The following LUC7L variants were observed in gnomAD, a reference collection of about 807,000 sequenced individuals.
The protein encoded by LUC7L is LUC7 like.
LUC7L carries 29 observed loss-of-function variants against 51.1 expected under a neutral mutation model. The ratio of observed to expected loss-of-function variants is 0.57; its 90% CI spans 0.42 to 0.77. LUC7L has a LOEUF of 0.77. Ranked by LOEUF, LUC7L falls within the 30% of genes least tolerant of loss-of-function variation. LUC7L has a pLI of 0.00. For missense variants in LUC7L, 403 were observed against 511.9 expected (o/e 0.79, Z 2.05); for synonymous variants, 181 against 180.7 (o/e 1.00, Z -0.01).
At chr16:212,794 T>TC (rs1349642089) in intron 3 of LUC7L, among the ~76,000 whole-genome samples, 3 of 151,912 alleles carry the variant, frequency 2.0e-5, no homozygotes, top group Non-Finnish European at 2.9e-5. Context: ...TTTTTTTTTT[T>TC]CCCGAGAGGA....
chr16:218,598 C>A (rs1390527831), intron 3 of LUC7L, among the ~76,000 whole-genome samples: 1 of 150,676 alleles, frequency 6.6e-6, no homozygotes, highest in Non-Finnish European at 1.5e-5. Flanking sequence ...GCGGGCACTT[C>A]TAATCTCAGC....
chr16:193,030 C>CA lies in LUC7L; in HGVS notation c.688-16dup. The CA allele has an allele frequency of 6.2e-7, 1 of 1,606,528 alleles. No individual in the cohort carries two copies. The highest frequency in any genetic ancestry group is 8.5e-7 in the Non-Finnish European group (1 of 1,176,000). ...GCGACAGTTTTCTAAATAAATGAAA[C>CA]AAAAAATGAGGAAGAGCAAGTTACA... On this transcript the variant is annotated splice_polypyrimidine_tract_variant and intron_variant, in intron 6 of 9. Transcript: ENST00000293872.
At chr16:206,890 TAAAAAA>T (rs67775388) in intron 4 of LUC7L, among the ~76,000 whole-genome samples, 2 of 99,566 alleles carry the variant, frequency 2.0e-5, no homozygotes, top group Non-Finnish European at 3.8e-5. Context: ...CCATCTTTAT[TAAAAAA>T]AAAAAAAAAA....
intron 1 of LUC7L, chr16:228,999 G>A: frequency 7.0e-7 from 1 of 1,437,394 alleles, no homozygotes; most frequent in Non-Finnish European, 9.2e-7. Context: ...GAGCCGCGGC[G>A]CCCGCCGGGG....
chr16:221,141 T>C (rs1596675491), intron 2 of LUC7L, among the ~76,000 whole-genome samples: 2 of 145,920 alleles, frequency 1.4e-5, no homozygotes. Flanking sequence ...TGCCTCATTC[T>C]CCCAAGTAGC....
chr16:225,601 C>G (rs2050109674), intron 2 of LUC7L, among the ~76,000 whole-genome samples: 1 of 149,964 alleles, frequency 6.7e-6, no homozygotes, highest in Non-Finnish European at 1.5e-5. Context: ...ACTCTCCTGC[C>G]TCAGTCTCCT....
At position 220,894 on chromosome 16, in the gene LUC7L, T is replaced by C. The variant is rs901774898; in HGVS notation, c.157-147A>G. The C allele has an allele frequency of 1.8e-5, 11 of 614,492 alleles. No individual in the cohort carries two copies. The South Asian group carries it at 2.1e-4, about 12-fold the overall frequency. 38.1% of individuals were successfully genotyped at this position (614,492 alleles called of 1,614,324 possible). ...AATAAGAAAATTAAGAAAGGAGATA[T>C]GGCTGAGAAGCCTCATTTCACTTTT... On this transcript the variant is annotated intron_variant, in intron 2 of 9. Coordinates refer to ENST00000293872, the MANE Select transcript of LUC7L (RefSeq NM_201412.3).
rs2050217966 is a variant in LUC7L at position 229,413 on chromosome 16, C to T, written c.-74G>A. ...AGGCGGTGGCAGCGGCGTCGACAAACGATGGTCGCGTCGGCCTCGAGCCCA... is the reference window on the plus strand; with the variant it reads ...AGGCGGTGGCAGCGGCGTCGACAAATGATGGTCGCGTCGGCCTCGAGCCCA... On this transcript the variant is annotated 5_prime_UTR_variant, in exon 1 of 10. Transcript: ENST00000293872. The T allele has an allele frequency of 5.2e-6, 7 of 1,334,228 alleles. No individual in the cohort carries two copies. The highest frequency in any genetic ancestry group is 6.9e-6 in the Non-Finnish European group (7 of 1,009,388). 82.6% of individuals were successfully genotyped at this position (1,334,228 alleles called of 1,614,324 possible). A position where few individuals can be genotyped will look rare whatever the true frequency, so the allele number is the denominator to read the frequency against.
intron 7 of LUC7L, chr16:190,886 G>GA (rs1327971036): frequency 0.027 from 6,306 of 237,870 alleles, no homozygotes; most frequent in Non-Finnish European, 0.035. Context: ...GTCTCAAAAA[G>GA]AAAAAAAAAA....
rs552129426 is a variant in LUC7L, at chr16:199,131, C to T, written c.618G>A (p.Leu206=). The T allele has an allele frequency of 7.2e-5, 117 of 1,613,820 alleles. 2 individuals carry two copies. The Admixed American group carries it at 7.7e-4, about 11-fold the overall frequency. The change falls in exon 6 of 10, where the codon CTG becomes CTA. Residue 206 remains leucine, a synonymous_variant. Transcript: ENST00000293872. The part of the protein sequence containing the change: ...YLGLHDNDRR[L]ADHFGGKLHL... ...GTAACTTGCCACCGAAGTGGTCTGC[C>T]AGGCGACGGTCATTGTCATGGAGAC...
At chr16:227,813 C>T (rs920321163) in intron 1 of LUC7L, 22 of 1,000,726 alleles carry the variant, frequency 2.2e-5, no homozygotes, top group Middle Eastern at 4.1e-4. Flanking sequence ...AGCTTTCAAA[C>T]TCTATCGAAG....
chr16:217,400 G>A (rs1596663609), intron 3 of LUC7L, among the ~76,000 whole-genome samples: 1 of 152,030 alleles, frequency 6.6e-6, no homozygotes, highest in South Asian at 2.1e-4. Context: ...CACCTATTAT[G>A]TAGCCACAAC....
rs1019574361 is a variant in LUC7L, at chr16:196,590, C to A, written c.687+2472G>T. Among the ~76,000 whole-genome samples, 3 of 152,016 alleles carry A rather than the reference C, an allele frequency of 2.0e-5. No individual in the cohort carries two copies. In the East Asian group the frequency reaches 5.8e-4, roughly 29 times the overall value. ...TTGCCCAGGCTAGAGTGCAGTGGCTCGATTTCGGCTCACTGCAACCTCTGC... is the reference window on the plus strand; with the variant it reads ...TTGCCCAGGCTAGAGTGCAGTGGCTAGATTTCGGCTCACTGCAACCTCTGC... On this transcript the variant is annotated intron_variant, in intron 6 of 9. Transcript: ENST00000293872.
At position 208,322 on chromosome 16, in the gene LUC7L, A is replaced by G. The variant is rs2049544578; in HGVS notation, c.256-134T>C. ...TGTACATTCAAGGGAAAGATCTTAAACTACACTACCACTAACGCATTCATA... is the reference window on the plus strand; with the variant it reads ...TGTACATTCAAGGGAAAGATCTTAAGCTACACTACCACTAACGCATTCATA... On this transcript the variant is annotated intron_variant, in intron 3 of 9. Transcript: ENST00000293872. The G allele has an allele frequency of 4.7e-6, 3 of 645,102 alleles. No individual in the cohort carries two copies. In the Admixed American group the frequency reaches 1.0e-4, roughly 21 times the overall value. 40.0% of individuals were successfully genotyped at this position (645,102 alleles called of 1,614,324 possible). A position where few individuals can be genotyped will look rare whatever the true frequency, so the allele number is the denominator to read the frequency against.
intron 1 of LUC7L, chr16:229,069 C>A (rs1312914071): frequency 7.1e-7 from 1 of 1,416,660 alleles, no homozygotes; most frequent in Non-Finnish European, 9.2e-7. Flanking sequence ...GCGCAGACTC[C>A]GAGAGAGGAG....
chr16:191,484 T>C (rs1298755137), intron 7 of LUC7L, among the ~76,000 whole-genome samples: 1 of 152,126 alleles, frequency 6.6e-6, no homozygotes, highest in Non-Finnish European at 1.5e-5. Context: ...AAAAAATGGA[T>C]TGTGTGTTTT....
intron 6 of LUC7L, among the ~76,000 whole-genome samples, chr16:196,943 T>C (rs2142047710): frequency 6.7e-6 from 1 of 148,648 alleles, no homozygotes; most frequent in African/African-American, 2.5e-5. Context: ...AGTCTCGCTC[T>C]GTCGCCCAGG....
chr16:199,028 C>G, intron 6 of LUC7L, 34 bp downstream of exon 6: 1 of 1,563,772 alleles, frequency 6.4e-7, no homozygotes. Context: ...CACCCCAAGA[C>G]TCCTCAGCTT....
chr16:220,706 G>A lies in LUC7L; in HGVS notation c.198C>T (p.Ala66=), dbSNP rs1254248790. ...LGECTKIHDL[A]LRADYEIASK... ...TTGCAATCTCATAATCTGCTCGGAGGGCCAAGTCGTGGATTTTGGTACATT... is the reference window on the plus strand; with the variant it reads ...TTGCAATCTCATAATCTGCTCGGAGAGCCAAGTCGTGGATTTTGGTACATT... The change falls in exon 3 of 10, where the codon GCC becomes GCT. Residue 66 remains alanine (A), a synonymous_variant. Transcript: ENST00000293872. The A allele has an allele frequency of 6.2e-7, 1 of 1,613,976 alleles. No homozygotes were observed. Among genetic ancestry groups the A allele is most frequent in the Admixed American group, 1.7e-5 (1 of 59,976 alleles).
Sources: allele counts gnomAD v4.1 joint callset (sites outside exome capture counted in the v4.1 genomes callset), GRCh38; gene constraint gnomAD v4.1.1; transcripts MANE v1.5; gene names NCBI Gene and HGNC (gene_info 2026-07-23, HGNC 2026-07-21).